Variants in ECT2L observed in about 807,000 individuals in gnomAD.
The protein encoded by ECT2L is epithelial cell transforming 2 like, also known as epithelial cell-transforming sequence 2 oncogene-like.
A neutral mutation model predicts 122.8 loss-of-function variants in ECT2L; 126 were observed. The ratio of observed to expected loss-of-function variants is 1.03; its 90% CI spans 0.89 to 1.19. The LOEUF (loss-of-function observed/expected upper bound fraction) is 1.19. ECT2L is among the 50% of genes most tolerant of loss of function. ECT2L has a pLI of 0.00. For synonymous variants in ECT2L, 385 were observed against 381.8 expected (o/e 1.01, Z -0.10); for missense variants, 1,012 against 1,064.1 (o/e 0.95, Z 0.68).
intron 14 of ECT2L, among the ~76,000 whole-genome samples, chr6:138,876,994 C>T (rs1377994669): frequency 6.6e-6 from 1 of 152,214 alleles, no homozygotes; most frequent in East Asian, 1.9e-4. Context: ...GCAGCCTCAG[C>T]AGGGGCCGGT....
chr6:138,806,519 T>TTTTTTTG, intron 1 of ECT2L, among the ~76,000 whole-genome samples: 1 of 137,574 alleles, frequency 7.3e-6, no homozygotes. Context: ...CGCTTTTTTT[T>TTTTTTTG]TTTTTTTTTT....
chr6:138,846,441 G>A (rs1358090890), intron 7 of ECT2L, 98 bp from the exon 8 acceptor site: 11 of 1,214,266 alleles, frequency 9.1e-6, no homozygotes, highest in Non-Finnish European at 1.2e-5. Flanking sequence ...CACGTGCCTT[G>A]TAGAGTAGAG....
intron 20 of ECT2L, among the ~76,000 whole-genome samples, chr6:138,891,121 T>G (rs1779009018): frequency 6.6e-6 from 1 of 152,192 alleles, no homozygotes; most frequent in Non-Finnish European, 1.5e-5. Flanking sequence ...CAGGCACAAC[T>G]GACCAAAATT....
intron 9 of ECT2L, among the ~76,000 whole-genome samples, chr6:138,850,456 A>G (rs1432445420): frequency 6.6e-6 from 1 of 152,088 alleles, no homozygotes; most frequent in Non-Finnish European, 1.5e-5. Context: ...TGACTGGCTT[A>G]TGTCACTTGG....
chr6:138,871,968 T>C (rs1778271858), intron 13 of ECT2L, among the ~76,000 whole-genome samples: 1 of 151,406 alleles, frequency 6.6e-6, no homozygotes, highest in Admixed American at 6.6e-5. Context: ...GGAGTCTTTA[T>C]TTTATTTTTT....
Position 138,844,460 on chromosome 6 carries a change from C to A in ECT2L, c.644C>A (p.Ser215Tyr). ...RPPWVSGTCC[S>Y]SVLKPRCQPR... The stretch of plus-strand genomic sequence containing the variant: ...CCTTGGGTGAGTGGAACTTGCTGCT[C>A]TAGCGTGCTAAAGCCCAGATGCCAA... Residue 215 changes from serine (S) to tyrosine (Y), a missense_variant, in exon 7 of 22, where the codon TCT (serine) becomes TAT (tyrosine). Physicochemically the swap from Ser to Tyr is moderately radical, Grantham distance 144 (BLOSUM62 -2). Transcript: ENST00000541398. The A allele has an allele frequency of 6.2e-7, 1 of 1,614,144 alleles. No homozygotes were observed. The highest frequency in any genetic ancestry group is 1.1e-5 in the South Asian group (1 of 91,078).
chr6:138,899,522 G>A (rs547648700), intron 20 of ECT2L, among the ~76,000 whole-genome samples: 2 of 152,246 alleles, frequency 1.3e-5, no homozygotes, highest in South Asian at 4.2e-4. Flanking sequence ...GGTGACCTGA[G>A]TGAAGACAGG....
intron 11 of ECT2L, among the ~76,000 whole-genome samples, chr6:138,864,184 T>C (rs1777944205): frequency 6.6e-6 from 1 of 151,342 alleles, no homozygotes; most frequent in African/African-American, 2.4e-5. Flanking sequence ...AGCTGGGCAG[T>C]AGTGGCACAC....
At chr6:138,818,749 C>T (rs931112933) in intron 4 of ECT2L, among the ~76,000 whole-genome samples, 2 of 151,974 alleles carry the variant, frequency 1.3e-5, no homozygotes, top group Admixed American at 6.6e-5. Flanking sequence ...CTCGAGGAAA[C>T]ATCAGGGGTA....
intron 20 of ECT2L, among the ~76,000 whole-genome samples, chr6:138,895,673 C>T (rs370014597): frequency 2.0e-5 from 3 of 152,000 alleles, no homozygotes; most frequent in East Asian, 1.9e-4. Flanking sequence ...GGGGTTCAAG[C>T]GATTCTCATG....
chr6:138,811,158 G>T (rs997782927), intron 1 of ECT2L, among the ~76,000 whole-genome samples: 1 of 152,138 alleles, frequency 6.6e-6, no homozygotes, highest in Non-Finnish European at 1.5e-5. Flanking sequence ...GCCCTCTCTT[G>T]CTTTCTCATT....
At position 138,832,751 on chromosome 6, in the gene ECT2L, GTTT is replaced by G. The variant is rs201082126; in HGVS notation, c.180-5593_180-5591del. On this transcript the variant is annotated intron_variant, in intron 4 of 21. Coordinates refer to ENST00000541398, the MANE Select transcript of ECT2L (RefSeq NM_001077706.3). ...TTTAGTGTCCTTGTGTTTTTTTGTT[GTTT>G]TTTTTTTAATTTATAACTTGCTGAT... Among the ~76,000 whole-genome samples the G allele has an allele frequency of 2.2e-3, 332 of 149,948 alleles. 2 individuals carry two copies. The highest frequency in any genetic ancestry group is 7.8e-3 in the African/African-American group (318 of 40,732).
At chr6:138,857,563 A>G (rs996679881) in intron 10 of ECT2L, among the ~76,000 whole-genome samples, 1 of 152,044 alleles carries the variant, frequency 6.6e-6, no homozygotes, top group Non-Finnish European at 1.5e-5. Flanking sequence ...TCCCTGCTCC[A>G]TTCCCACCTC....
At chr6:138,892,287 G>C (rs1779056426) in intron 20 of ECT2L, among the ~76,000 whole-genome samples, 1 of 151,970 alleles carries the variant, frequency 6.6e-6, no homozygotes, top group African/African-American at 2.4e-5. Flanking sequence ...TTTATTTCTG[G>C]TATTATCTTT....
intron 15 of ECT2L, among the ~76,000 whole-genome samples, chr6:138,881,546 CTATTA>C (rs1017124430): frequency 4.6e-5 from 7 of 151,606 alleles, no homozygotes; most frequent in African/African-American, 1.2e-4. Flanking sequence ...CACTTTATTT[CTATTA>C]TATTATAATA....
At chr6:138,837,700 TCA>T (rs1776889574) in intron 4 of ECT2L, among the ~76,000 whole-genome samples, 1 of 151,470 alleles carries the variant, frequency 6.6e-6, no homozygotes, top group African/African-American at 2.4e-5. Context: ...CAAGAAAATC[TCA>T]GTGAATATAT....
intron 14 of ECT2L, among the ~76,000 whole-genome samples, chr6:138,878,306 TACACACACAC>T (rs34393243): frequency 2.7e-5 from 4 of 150,216 alleles, no homozygotes; most frequent in South Asian, 2.1e-4. Flanking sequence ...CATATATATA[TACACACACAC>T]ACACACACAC....
intron 1 of ECT2L, among the ~76,000 whole-genome samples, chr6:138,803,950 T>C (rs1201744330): frequency 1.3e-5 from 2 of 152,234 alleles, no homozygotes; most frequent in Non-Finnish European, 2.9e-5. Flanking sequence ...CCAAGCCACG[T>C]TGTACTCTCT....
At chr6:138,876,359 CTG>C (rs1184364888) in intron 13 of ECT2L, 111 bp from the exon 14 acceptor site, 1 of 665,282 alleles carries the variant, frequency 1.5e-6, no homozygotes, top group East Asian at 2.6e-5. Flanking sequence ...GTAGGGAACA[CTG>C]TGGTTGGGGC....
Sources: allele counts gnomAD v4.1 joint callset (sites outside exome capture counted in the v4.1 genomes callset), GRCh38; gene constraint gnomAD v4.1.1; transcripts MANE v1.5; gene names NCBI Gene and HGNC (gene_info 2026-07-23, HGNC 2026-07-21).